NRG3: variants seen among roughly 807,000 people sequenced by gnomAD.
NRG3 encodes neuregulin 3, also known as pro-neuregulin-3, membrane-bound isoform.
A neutral mutation model predicts 66.9 loss-of-function variants in NRG3; 31 were observed. That is an observed-to-expected ratio of 0.46 (90% confidence interval 0.35 to 0.63). The LOEUF (loss-of-function observed/expected upper bound fraction) is 0.63. NRG3 is among the 20% of genes least tolerant of loss of function. The probability of loss-of-function intolerance (pLI) is 0.00; values close to 1 mark genes in which losing one functional copy is unlikely to be tolerated. For missense variants in NRG3, 910 were observed against 878.9 expected, an observed-to-expected ratio of 1.04 and a Z score of -0.45; for synonymous variants, 393 against 359.4, an observed-to-expected ratio of 1.09 and a Z score of -1.06.
At chr10:81,955,606 A>C (rs1370754213) in intron 1 of NRG3, among the ~76,000 whole-genome samples, 2 of 152,182 alleles carry the variant, frequency 1.3e-5, no homozygotes, top group African/African-American at 2.4e-5. Context: ...TTATTCTTTA[A>C]ATATATTCAA....
At chr10:82,173,184 A>G (rs922918338) in intron 1 of NRG3, among the ~76,000 whole-genome samples, 4 of 152,162 alleles carry the variant, frequency 2.6e-5, no homozygotes, top group Admixed American at 2.0e-4. Context: ...TTGCATCTGC[A>G]CATTGATATG....
chr10:82,062,693 G>A (rs1216229427), intron 1 of NRG3, among the ~76,000 whole-genome samples: 3 of 152,000 alleles, frequency 2.0e-5, no homozygotes, highest in African/African-American at 7.2e-5. Context: ...GGCATGAGAT[G>A]GAGAGGCTAT....
intron 1 of NRG3, among the ~76,000 whole-genome samples, chr10:81,975,837 C>T (rs974150241): frequency 4.6e-5 from 7 of 152,080 alleles, no homozygotes; most frequent in Non-Finnish European, 7.4e-5. Context: ...CCAAGTGCTC[C>T]CAATATAATC....
intron 1 of NRG3, among the ~76,000 whole-genome samples, chr10:82,031,776 C>T (rs1283115729): frequency 6.6e-6 from 1 of 152,066 alleles, no homozygotes; most frequent in Non-Finnish European, 1.5e-5. Flanking sequence ...CTCATAGTGT[C>T]CTGCTTGGCC....
At chr10:82,221,978 C>G (rs2075964870) in intron 1 of NRG3, among the ~76,000 whole-genome samples, 1 of 151,846 alleles carries the variant, frequency 6.6e-6, no homozygotes, top group South Asian at 2.1e-4. Flanking sequence ...CTACTACACC[C>G]TGCTTTCTTC....
chr10:82,717,866 A>T lies in NRG3; in HGVS notation c.954-20711A>T, dbSNP rs115273554. Among the ~76,000 whole-genome samples the T allele has an allele frequency of 4.9e-3, 732 of 150,150 alleles. 4 individuals are homozygous for T. Among genetic ancestry groups the T allele is most frequent in the African/African-American group, 0.017 (675 of 40,828 alleles). On this transcript the variant is annotated intron_variant, in intron 2 of 8. Transcript: ENST00000372141. The stretch of plus-strand genomic sequence containing the variant: ...ATTGAAAAGTCTTTTTTTTTTTTTA[A>T]TAGTGAGCCAATGTCTCTGTCCTTC...
intron 1 of NRG3, among the ~76,000 whole-genome samples, chr10:82,195,823 G>A (rs1408325199): frequency 1.3e-5 from 2 of 152,218 alleles, no homozygotes; most frequent in South Asian, 2.1e-4. Flanking sequence ...GAGGGACACA[G>A]CATGAAAAGG....
intron 2 of NRG3, among the ~76,000 whole-genome samples, chr10:82,653,451 T>A (rs150123775): frequency 6.6e-6 from 1 of 152,278 alleles, no homozygotes; most frequent in African/African-American, 2.4e-5. Context: ...GGAGAGCCTG[T>A]GGAAATGCAG....
intron 3 of NRG3, among the ~76,000 whole-genome samples, chr10:82,804,745 A>G (rs548789634): frequency 6.6e-6 from 1 of 152,180 alleles, no homozygotes; most frequent in Non-Finnish European, 1.5e-5. Context: ...CTTTCTTGCC[A>G]ACTAACTGCC....
At chr10:82,644,381 G>A (rs1192965248) in intron 2 of NRG3, among the ~76,000 whole-genome samples, 1 of 152,064 alleles carries the variant, frequency 6.6e-6, no homozygotes, top group Non-Finnish European at 1.5e-5. Flanking sequence ...CCAAACCACT[G>A]GTGATATCTA....
chr10:82,527,532 T>C (rs1846836892), intron 2 of NRG3, among the ~76,000 whole-genome samples: 1 of 152,200 alleles, frequency 6.6e-6, no homozygotes, highest in African/African-American at 2.4e-5. Flanking sequence ...TTGTAAGTTA[T>C]ATTTGACAAA....
intron 1 of NRG3, among the ~76,000 whole-genome samples, chr10:82,243,648 C>T (rs566856153): frequency 5.0e-4 from 76 of 152,222 alleles, no homozygotes; most frequent in African/African-American, 1.1e-3. Flanking sequence ...AACTATCTTT[C>T]GGTCTGAATT....
At chr10:82,905,990 G>A (rs762788405) in intron 4 of NRG3, among the ~76,000 whole-genome samples, 55 of 152,272 alleles carry the variant, frequency 3.6e-4, no homozygotes, top group Non-Finnish European at 6.0e-4. Flanking sequence ...AATCTAGCAA[G>A]ACTAGATTAT....
chr10:82,705,988 T>C (rs2056260141), intron 2 of NRG3, among the ~76,000 whole-genome samples: 1 of 152,174 alleles, frequency 6.6e-6, no homozygotes, highest in Non-Finnish European at 1.5e-5. Flanking sequence ...CAGGTTTATA[T>C]TTAGAATTTT....
intron 2 of NRG3, among the ~76,000 whole-genome samples, chr10:82,638,473 C>G (rs996675609): frequency 2.6e-5 from 4 of 152,084 alleles, no homozygotes; most frequent in East Asian, 1.9e-4. Context: ...ATTAACACAG[C>G]CTTACATTTG....
chr10:82,239,587 C>T (rs1444895148), intron 1 of NRG3, among the ~76,000 whole-genome samples: 1 of 152,094 alleles, frequency 6.6e-6, no homozygotes, highest in Admixed American at 6.5e-5. Context: ...CTTTGTTTAC[C>T]TATTAGCATT....
rs934542827 is a variant in NRG3 at position 82,358,603 on chromosome 10, T to A, written c.824-136T>A. 1.6e-5 allele frequency: 18 copies of A among 1,150,576 alleles called. No individual in the cohort carries two copies. The African/African-American group carries it at 2.6e-4, about 17-fold the overall frequency. 71.3% of individuals were successfully genotyped at this position (1,150,576 alleles called of 1,614,324 possible). ...GCATTTGGTCAGTACCAAGGAGGGT[T>A]GGAGCTGTCTGTCTAGAGTCCCAGA... On this transcript the variant is annotated intron_variant, in intron 1 of 8. Coordinates refer to ENST00000372141, the MANE Select transcript of NRG3 (RefSeq NM_001010848.4).
chr10:82,398,909 C>T (rs1346843884), intron 2 of NRG3, among the ~76,000 whole-genome samples: 1 of 152,090 alleles, frequency 6.6e-6, no homozygotes, highest in Admixed American at 6.6e-5. Context: ...AAGTTTCTCA[C>T]CCCCACTTAA....
At chr10:82,866,047 A>G (rs1840697399) in intron 4 of NRG3, among the ~76,000 whole-genome samples, 1 of 152,174 alleles carries the variant, frequency 6.6e-6, no homozygotes, top group East Asian at 1.9e-4. Flanking sequence ...ATAGTCACAG[A>G]TAACTGCATT....
Sources: gnomAD v4.1 joint callset for allele counts (sites outside exome capture counted in the v4.1 genomes callset) on GRCh38, gnomAD v4.1.1 for gene constraint, MANE v1.5 for transcripts, NCBI Gene and HGNC (gene_info 2026-07-23, HGNC 2026-07-21) for gene names.